Variants in GOLGA3 observed in about 807,000 individuals in gnomAD.
GOLGA3 encodes the protein golgin subfamily A member 3.
GOLGA3 carries 75 observed loss-of-function variants against 169.4 expected under a neutral mutation model. The ratio of observed to expected loss-of-function variants is 0.44; its 90% confidence interval spans 0.37 to 0.54. The LOEUF (loss-of-function observed/expected upper bound fraction) is 0.54, where lower values mean the gene tolerates loss of function less well. Ranked by LOEUF, GOLGA3 falls within the 20% of genes least tolerant of loss-of-function variation. GOLGA3 has a pLI of 0.00. For missense variants in GOLGA3, 1,899 were observed against 1,930.0 expected (o/e 0.98, Z 0.30); for synonymous variants, 824 against 822.4 (o/e 1.00, Z -0.03).
chr12:132,819,452 C>T (rs1323524782), intron 2 of GOLGA3, among the ~76,000 whole-genome samples: 3 of 152,162 alleles, frequency 2.0e-5, no homozygotes, highest in African/African-American at 4.8e-5. Context: ...TGGCGTGAAC[C>T]CTCGAAGTGG....
At chr12:132,828,103 C>A (rs573299073) in intron 1 of GOLGA3, among the ~76,000 whole-genome samples, 51 of 152,310 alleles carry the variant, frequency 3.3e-4, no homozygotes, top group Middle Eastern at 3.4e-3. Flanking sequence ...GCGCGCTTTT[C>A]TCACAATTTT....
In GOLGA3 at chr12:132,773,325, G is replaced by C. The variant is rs75423335; in HGVS notation, c.4308-31C>G. The C allele has an allele frequency of 1.1e-3, 1,459 of 1,325,892 alleles. 19 individuals are homozygous for C. In the African/African-American group the frequency reaches 0.02, roughly 18 times the overall value. 82.1% of individuals were successfully genotyped at this position (1,325,892 alleles called of 1,614,324 possible). A position where few individuals can be genotyped will look rare whatever the true frequency, so the allele number is the denominator to read the frequency against. ...ACAGAAGAAGGAGGAAGAAGGCCCAGATCACACAAGTGCCAGGCAGAACGC... is the reference window on the plus strand; with the variant it reads ...ACAGAAGAAGGAGGAAGAAGGCCCACATCACACAAGTGCCAGGCAGAACGC... On this transcript the variant is annotated intron_variant, in intron 23 of 23. Coordinates refer to ENST00000450791, the MANE Select transcript of GOLGA3 (RefSeq NM_001389683.1).
rs746540941 is a variant in GOLGA3, at chr12:132,796,163, G to C, written c.2158C>G (p.Leu720Val). Residue 720 changes from leucine (L) to valine (V), a missense_variant, in exon 11 of 24, where the codon CTG (leucine) becomes GTG (valine). Leu to Val is a conservative substitution (Grantham distance 32). Transcript: ENST00000450791. ...AAGGTGAGCTGTTTCATCAGGTCCA[G>C]GTGCTCCTGCTGCAAAGCCTCAAGC... is the stretch of plus-strand genomic sequence containing the variant. ...QQLEALQQEH[L>V]DLMKQLTLTQ... The C allele has an allele frequency of 1.1e-5, 17 of 1,607,034 alleles. No homozygotes were observed. The East Asian group carries it at 3.1e-4, about 30-fold the overall frequency.
At chr12:132,826,208 C>T in intron 1 of GOLGA3, 2 of 1,493,808 alleles carry the variant, frequency 1.3e-6, no homozygotes. Flanking sequence ...AGCCCGCTCC[C>T]CACAATGAAA....
In GOLGA3 at chr12:132,787,655, G is replaced by A. The variant is rs1474929293; in HGVS notation, c.2812-868C>T. Among the ~76,000 whole-genome samples, 37 of 41,546 alleles carry A rather than the reference G, an allele frequency of 8.9e-4. 4 individuals carry two copies. The highest frequency in any genetic ancestry group is 0.019 in the Middle Eastern group (1 of 54). 27.3% of individuals were successfully genotyped at this position (41,546 alleles called of 152,430 possible). On this transcript the variant is annotated intron_variant, in intron 13 of 23. Coordinates refer to ENST00000450791, the MANE Select transcript of GOLGA3 (RefSeq NM_001389683.1). The stretch of plus-strand genomic sequence containing the variant: ...CCCGGAGACCACGGGACCCCTCCCC[G>A]GAGACCCCGGGACCCCTCCCCGGAG...
rs375648137 is a variant in GOLGA3, at chr12:132,802,104, T to G, written c.1598-135A>C. 1.2e-3 allele frequency: 829 copies of G among 679,476 alleles called. 1 individual carries two copies. Among genetic ancestry groups the G allele is most frequent in the Non-Finnish European group, 1.9e-3 (759 of 400,810 alleles). 42.1% of individuals were successfully genotyped at this position (679,476 alleles called of 1,614,324 possible). On this transcript the variant is annotated intron_variant, in intron 7 of 23. Transcript: ENST00000450791. ...GTCAGTTCCGGTTATTCCCCATAGC[T>G]GACTCCATGAAGTCGCCGTGAACAC...
At chr12:132,799,223 T>C (rs932816486) in intron 8 of GOLGA3, among the ~76,000 whole-genome samples, 2 of 152,158 alleles carry the variant, frequency 1.3e-5, no homozygotes, top group Non-Finnish European at 2.9e-5. Context: ...TTCGAGACCA[T>C]GAAAGCAGAC....
intron 4 of GOLGA3, chr12:132,811,652 G>A (rs1193602302): frequency 6.5e-6 from 1 of 153,276 alleles, no homozygotes; most frequent in Admixed American, 6.6e-5. Flanking sequence ...AGTAGAGACG[G>A]GGTTTCTCCA....
In GOLGA3 at chr12:132,774,684, G is replaced by A. The variant is rs964935622; in HGVS notation, c.4144-364C>T. On this transcript the variant is annotated intron_variant, in intron 22 of 23. Coordinates refer to ENST00000450791, the MANE Select transcript of GOLGA3 (RefSeq NM_001389683.1). ...AAATTAAGTAAGTTTTCCAGCTTAG[G>A]CTCCCTTTTCTGGGACTTCAAACTT... 2.5e-5 allele frequency: 10 copies of A among 398,618 alleles called. No homozygotes were observed. The Admixed American group carries it at 3.8e-4, about 15-fold the overall frequency. The allele number at this position is 398,618 out of a possible 1,614,324, so 24.7% of individuals were successfully genotyped here. A position where few individuals can be genotyped will look rare whatever the true frequency, so the allele number is the denominator to read the frequency against.
intron 18 of GOLGA3, among the ~76,000 whole-genome samples, chr12:132,779,383 G>A (rs2045423356): frequency 6.6e-6 from 1 of 152,132 alleles, no homozygotes. Flanking sequence ...CCAGCCACCT[G>A]CCACATCTTA....
At chr12:132,795,781 G>A (rs917046733) in intron 11 of GOLGA3, 71 bp downstream of exon 11, 60 of 1,443,418 alleles carry the variant, frequency 4.2e-5, no homozygotes, top group Non-Finnish European at 5.6e-5. Context: ...AAGAAAGAAA[G>A]AAGCAAATAA....
rs946813007 is a variant in GOLGA3, at chr12:132,779,720, C to T, written c.3582+1078G>A. On this transcript the variant is annotated intron_variant, in intron 18 of 23. Coordinates refer to ENST00000450791, the MANE Select transcript of GOLGA3 (RefSeq NM_001389683.1). ...TCAGCATCAAATGCATGCACACACA[C>T]CACAGCCCAGGCACACACGTGCGCA... is the stretch of plus-strand genomic sequence containing the variant. Among the ~76,000 whole-genome samples, 30 of 150,508 alleles carry T rather than the reference C, an allele frequency of 2.0e-4. 1 individual carries two copies. Among genetic ancestry groups the T allele is most frequent in the Admixed American group, 6.6e-5 (1 of 15,154 alleles).
intron 13 of GOLGA3, 116 bp downstream of exon 13, chr12:132,788,911 A>ACACAGGCCCCGC (rs1566089999): frequency 1.1e-5 from 3 of 265,828 alleles, no homozygotes; most frequent in African/African-American, 2.5e-5. Flanking sequence ...ACAGGCCCCG[A>ACACAGGCCCCGC]CCCAGACAGA....
rs1949263526 is a variant in GOLGA3, at chr12:132,804,092, GCGGCTTC to G, written c.1597+617_1597+623del. ...CTGCCAAGCCACATGGAAGCCCGCC[GCGGCTTC>G]CGCAATCCACTGCCCTACTTGTACT... On this transcript the variant is annotated intron_variant, in intron 7 of 23. Transcript: ENST00000450791. The surrounding 1 kb of genome is among the most constrained non-coding windows in gnomAD (Gnocchi z 4.1). 6.6e-6 allele frequency among the ~76,000 whole-genome samples: 1 copy of G among 152,218 alleles called. No individual in the cohort carries two copies. Among genetic ancestry groups the G allele is most frequent in the Non-Finnish European group, 1.5e-5 (1 of 68,048 alleles).
chr12:132,821,971 C>G, intron 2 of GOLGA3, 25 bp downstream of exon 2: 1 of 1,544,326 alleles, frequency 6.5e-7, no homozygotes, highest in Non-Finnish European at 8.8e-7. Flanking sequence ...CTGTGACCAG[C>G]ACACAGAGGA....
chr12:132,821,885 T>G, intron 2 of GOLGA3, 111 bp downstream of exon 2: 1 of 661,362 alleles, frequency 1.5e-6, no homozygotes, highest in South Asian at 2.3e-5. Context: ...CAACTTTGAA[T>G]TAAGTGAAAA....
chr12:132,773,433 A>AT, intron 23 of GOLGA3, 139 bp from the exon 24 acceptor site: 6 of 440,030 alleles, frequency 1.4e-5, no homozygotes, highest in East Asian at 3.5e-5. Flanking sequence ...GAGACCACAG[A>AT]AGCTCAGCTG....
Position 132,804,796 on chromosome 12 carries a change from T to A in GOLGA3, c.1517A>T (p.Gln506Leu). ...ASLASSNNDLQVAEEQYQRLM... is the reference protein window; with the variant it reads ...ASLASSNNDLLVAEEQYQRLM... Reference sequence around the variant, plus strand: ...CCTCTGGTACTGCTCCTCGGCCACCTGCAAGTCGTTGTTGGACGACGCCAG... The same window carrying A: ...CCTCTGGTACTGCTCCTCGGCCACCAGCAAGTCGTTGTTGGACGACGCCAG... Residue 506 changes from glutamine (Q) to leucine (L), a missense_variant, in exon 7 of 24, where the codon CAG becomes CTG. Physicochemically the swap from Gln to Leu is moderately radical, Grantham distance 113 (BLOSUM62 -2). Coordinates refer to ENST00000450791, the MANE Select transcript of GOLGA3 (RefSeq NM_001389683.1). This position sits in a 1 kb window ranked among gnomAD's most constrained non-coding sequence, Gnocchi z 4.1. 1 of 1,614,244 alleles carries A rather than the reference T, an allele frequency of 6.2e-7. No homozygotes were observed. The highest frequency in any genetic ancestry group is 1.1e-5 in the South Asian group (1 of 91,088).
Position 132,795,980 on chromosome 12 carries a change from CCG to C in GOLGA3, c.2339_2340del (p.Ala780GlyfsTer13). 1 of 1,613,810 alleles carries C rather than the reference CCG, an allele frequency of 6.2e-7. No homozygotes were observed. The highest frequency in any genetic ancestry group is 8.5e-7 in the Non-Finnish European group (1 of 1,180,040). On this transcript the variant is annotated frameshift_variant, in exon 11 of 24. Transcript: ENST00000450791. LOFTEE classifies it high-confidence loss of function. ...LLQNEKIILE[A>X]ALQAAKSGKE... ...TTGCCACTCTTGGCCGCCTGCAAAG[CCG>C]CCTCCAAGATGATCTTCTCGTTCTG...
Sources: allele counts gnomAD v4.1 joint callset (sites outside exome capture counted in the v4.1 genomes callset), GRCh38; gene constraint gnomAD v4.1.1; non-coding constraint Gnocchi (gnomAD v3.1); transcripts MANE v1.5; gene names NCBI Gene and HGNC (gene_info 2026-07-23, HGNC 2026-07-21).